The following SLF2 variants were observed in gnomAD, a reference collection of about 807,000 sequenced individuals.
The protein encoded by SLF2 is SMC5-SMC6 complex localization factor protein 2.
Under a neutral mutation model 124.3 loss-of-function variants are expected in SLF2, and 68 were observed. That is an observed-to-expected ratio of 0.55 (90% confidence interval 0.45 to 0.67). The LOEUF (loss-of-function observed/expected upper bound fraction) is 0.67, where lower values mean the gene tolerates loss of function less well. SLF2 is among the 30% of genes least tolerant of loss of function. SLF2 has a pLI of 0.00. For missense variants in SLF2, 1,246 were observed against 1,373.7 expected, an observed-to-expected ratio of 0.91 and a Z score of 1.47; for synonymous variants, 480 against 478.8, an observed-to-expected ratio of 1.00 and a Z score of -0.03.
chr10:100,952,632 C>CTGT (rs1344264745), intron 17 of SLF2, among the ~76,000 whole-genome samples: 1 of 151,802 alleles, frequency 6.6e-6, no homozygotes, highest in East Asian at 1.9e-4. Flanking sequence ...TTTATAAATG[C>CTGT]TGTTGTATAT....
chr10:100,921,938 T>C (rs1180819448), intron 4 of SLF2, among the ~76,000 whole-genome samples: 1 of 152,230 alleles, frequency 6.6e-6, no homozygotes, highest in African/African-American at 2.4e-5. Context: ...CCTCAGGTAA[T>C]GGGAGATATC....
At chr10:100,913,676 C>T (rs917674359) in intron 1 of SLF2, 33 of 1,009,624 alleles carry the variant, frequency 3.3e-5, no homozygotes, top group Admixed American at 1.2e-4. Flanking sequence ...GAGGGAATCC[C>T]TTCCACGAAT....
At position 100,964,106 on chromosome 10, in the gene SLF2, T is replaced by A. The variant is rs1850470785; in HGVS notation, c.*2194T>A. 1 of 152,630 alleles carries A rather than the reference T, an allele frequency of 6.6e-6. No homozygotes were observed. Among genetic ancestry groups the A allele is most frequent in the South Asian group, 2.1e-4 (1 of 4,828 alleles). 9.5% of individuals were successfully genotyped at this position (152,630 alleles called of 1,614,324 possible). On this transcript the variant is annotated 3_prime_UTR_variant, in exon 20 of 20. Transcript: ENST00000238961. ...AGTAGCCCATGGTTTTTCTTCCAAA[T>A]CAAGTATTTTACTTCTCCCTTGAGT...
In SLF2 at chr10:100,961,943, A is replaced by C. The variant is rs1850433757; in HGVS notation, c.*31A>C. The C allele has an allele frequency of 1.3e-6, 2 of 1,591,468 alleles. No homozygotes were observed. The highest frequency in any genetic ancestry group is 1.3e-5 in the African/African-American group (1 of 74,648). On this transcript the variant is annotated 3_prime_UTR_variant, in exon 20 of 20. Transcript: ENST00000238961. ...GTTGCAGCAGCAAAAATATGAACCA[A>C]GAGAAATTCAATAAGAGCCTTTCAT... is the stretch of plus-strand genomic sequence containing the variant.
intron 4 of SLF2, among the ~76,000 whole-genome samples, chr10:100,920,682 G>T (rs564441674): frequency 6.6e-6 from 1 of 152,342 alleles, no homozygotes; most frequent in South Asian, 2.1e-4. Context: ...AGGCGCAGTG[G>T]TTCATGCCTG....
intron 14 of SLF2, 38 bp from the exon 15 acceptor site, chr10:100,947,722 T>A (rs373882711): frequency 1.4e-6 from 2 of 1,434,148 alleles, no homozygotes; most frequent in Non-Finnish European, 2.0e-6. Flanking sequence ...CAGTATTAAT[T>A]AAAATACATT....
intron 17 of SLF2, among the ~76,000 whole-genome samples, chr10:100,954,790 A>G (rs1323819641): frequency 6.6e-6 from 1 of 152,114 alleles, no homozygotes; most frequent in African/African-American, 2.4e-5. Flanking sequence ...AAAAAAACAA[A>G]AACTAGCTAA....
intron 9 of SLF2, among the ~76,000 whole-genome samples, chr10:100,933,009 A>C (rs1052910138): frequency 1.3e-5 from 2 of 152,142 alleles, no homozygotes; most frequent in Non-Finnish European, 2.9e-5. Flanking sequence ...ACTCTTGCCC[A>C]TCTGAAGAAA....
chr10:100,950,529 T>A, intron 16 of SLF2, 147 bp from the exon 17 acceptor site: 5 of 691,514 alleles, frequency 7.2e-6, no homozygotes, highest in Middle Eastern at 4.1e-4. Flanking sequence ...AAAGCCTAGT[T>A]TAGATGCTTC....
At chr10:100,942,310 C>G (rs2133806356) in intron 11 of SLF2, among the ~76,000 whole-genome samples, 1 of 152,262 alleles carries the variant, frequency 6.6e-6, no homozygotes, top group South Asian at 2.1e-4. Flanking sequence ...GTCCTCCTCC[C>G]ATTTATGTTC....
At chr10:100,942,785 C>CT (rs1349963359) in intron 11 of SLF2, among the ~76,000 whole-genome samples, 1 of 152,194 alleles carries the variant, frequency 6.6e-6, no homozygotes, top group East Asian at 1.9e-4. Context: ...TCCCAAAGTG[C>CT]TGGGATTACA....
In SLF2 at chr10:100,924,748, T is replaced by A. The variant is rs770035546; in HGVS notation, c.1747T>A (p.Ser583Thr). ...TAAAGCCCCTTCAGAAGGAGAGAGT[T>A]CAGGAAATTCCAATGCAGGTAGCAG... ...SDKAPSEGES[S>T]GNSNAGSSAL... Residue 583 changes from serine (S) to threonine (T), a missense_variant, in exon 5 of 20, where the codon TCA becomes ACA. Physicochemically the swap from Ser to Thr is moderately conservative, Grantham distance 58 (BLOSUM62 1). This residue lies in a region of SLF2 where 698 missense variants were observed against 708.9 expected (regional missense o/e 0.98). Transcript: ENST00000238961. 2.5e-6 allele frequency: 4 copies of A among 1,614,084 alleles called. No individual in the cohort carries two copies.
rs34345512 is a variant in SLF2 at position 100,962,841 on chromosome 10, ATGTG to A, written c.*954_*957del. ...ATTCTTTGGGACACTGTGTCTGTGT[ATGTG>A]TGTGTGTGTGTGTGTGTGTGTGTGC... On this transcript the variant is annotated 3_prime_UTR_variant, in exon 20 of 20. Transcript: ENST00000238961. 0.013 allele frequency: 1,838 copies of A among 144,310 alleles called. 40 individuals are homozygous for A. Among genetic ancestry groups the A allele is most frequent in the African/African-American group, 0.043 (1,703 of 39,268 alleles). 8.9% of individuals were successfully genotyped at this position (144,310 alleles called of 1,614,324 possible).
Position 100,963,327 on chromosome 10 carries a change from A to G in SLF2, c.*1415A>G, listed in dbSNP as rs948982372. Reference sequence around the variant, plus strand: ...ATCAGTAACTTTTGAGCTCATGTCAATCAAGCATTGGCAGTCAGAGATTTT... The same window carrying G: ...ATCAGTAACTTTTGAGCTCATGTCAGTCAAGCATTGGCAGTCAGAGATTTT... On this transcript the variant is annotated 3_prime_UTR_variant, in exon 20 of 20. Transcript: ENST00000238961. 9.2e-5 allele frequency: 14 copies of G among 152,634 alleles called. No individual in the cohort carries two copies. The highest frequency in any genetic ancestry group is 2.1e-4 in the Non-Finnish European group (14 of 68,036). The allele number at this position is 152,634 out of a possible 1,614,324, so 9.5% of individuals were successfully genotyped here. A position where few individuals can be genotyped will look rare whatever the true frequency, so the allele number is the denominator to read the frequency against.
intron 12 of SLF2, among the ~76,000 whole-genome samples, chr10:100,944,364 G>A (rs572553151): frequency 1.6e-4 from 25 of 151,898 alleles, no homozygotes; most frequent in Admixed American, 3.3e-4. Flanking sequence ...GCATGGCAGC[G>A]GGTACCTGTA....
rs1589962513 is a variant in SLF2 at position 100,947,023 on chromosome 10, T to G, written c.2935-16T>G. 6.3e-7 allele frequency: 1 copy of G among 1,592,524 alleles called. No individual in the cohort carries two copies. Among genetic ancestry groups the G allele is most frequent in the East Asian group, 2.2e-5 (1 of 44,714 alleles). On this transcript the variant is annotated splice_polypyrimidine_tract_variant and intron_variant, in intron 13 of 19. Coordinates refer to ENST00000238961, the MANE Select transcript of SLF2 (RefSeq NM_018121.4). ...GTTCTGTTTGAAAAGAAATCTTACATGTTCTTTTTTTTCAGGTGCCTGAAC... is the reference window on the plus strand; with the variant it reads ...GTTCTGTTTGAAAAGAAATCTTACAGGTTCTTTTTTTTCAGGTGCCTGAAC...
intron 15 of SLF2, among the ~76,000 whole-genome samples, chr10:100,949,845 C>T (rs1335422388): frequency 6.6e-6 from 1 of 152,166 alleles, no homozygotes; most frequent in Non-Finnish European, 1.5e-5. Context: ...ATTCACCTCC[C>T]TTGGCCTCTG....
intron 9 of SLF2, 116 bp downstream of exon 9, chr10:100,931,194 T>C (rs1849728249): frequency 2.7e-6 from 2 of 743,340 alleles, no homozygotes; most frequent in East Asian, 5.1e-5. Context: ...AGCACATCCA[T>C]GATGTCAGTG....
At position 100,956,459 on chromosome 10, in the gene SLF2, T is replaced by C. The variant is rs750712405; in HGVS notation, c.3339T>C (p.Phe1113=). 2.5e-6 allele frequency: 4 copies of C among 1,601,420 alleles called. No homozygotes were observed. The highest frequency in any genetic ancestry group is 3.4e-6 in the Non-Finnish European group (4 of 1,176,428). ...HSFSSGQRKH[F]VLLCGALEKH... is the part of the protein sequence containing the mutation. ...GCATTTGTTTTGCACAGAAACACTT[T>C]GTGCTACTCTGTGGGGCTTTGGAAA... The change falls in exon 18 of 20, where the codon TTT becomes TTC. Residue 1113 remains phenylalanine (F), a synonymous_variant. Transcript: ENST00000238961.
Sources: gnomAD v4.1 joint callset for allele counts (sites outside exome capture counted in the v4.1 genomes callset) on GRCh38, gnomAD v4.1.1 for gene constraint, gnomAD v4.1.1 regional missense constraint, MANE v1.5 for transcripts, NCBI Gene and HGNC (gene_info 2026-07-23, HGNC 2026-07-21) for gene names.